COL25A1: variants seen among roughly 807,000 people sequenced by gnomAD.
COL25A1 encodes collagen alpha-1(XXV) chain.
COL25A1 carries 103 observed loss-of-function variants against 128.4 expected under a neutral mutation model. The observed-to-expected ratio is 0.80, with a 90% CI of 0.68 to 0.94. The LOEUF (loss-of-function observed/expected upper bound fraction) is 0.94, where lower values mean the gene tolerates loss of function less well. Among genes scored for constraint, COL25A1 ranks in the 40% least tolerant of loss-of-function variants. COL25A1 has a pLI of 0.00. For synonymous variants in COL25A1, 279 were observed against 277.2 expected (o/e 1.01, Z -0.06); for missense variants, 745 against 840.0 (o/e 0.89, Z 1.40).
chr4:109,288,387 GA>G (rs777481883), intron 3 of COL25A1, among the ~76,000 whole-genome samples: 6 of 152,092 alleles, frequency 3.9e-5, no homozygotes, highest in Non-Finnish European at 1.5e-5. Context: ...CAGGAGCATG[GA>G]ATTGATTTAC....
chr4:109,159,775 C>T (rs1321632276), intron 3 of COL25A1, among the ~76,000 whole-genome samples: 1 of 152,106 alleles, frequency 6.6e-6, no homozygotes, highest in African/African-American at 2.4e-5. Context: ...TAGACCATTT[C>T]TAACATTTTG....
chr4:109,100,025 A>G (rs1279755176), intron 3 of COL25A1, among the ~76,000 whole-genome samples: 2 of 152,144 alleles, frequency 1.3e-5, no homozygotes. Context: ...TAAGCCCAAA[A>G]TACTCTAAAA....
Position 108,935,337 on chromosome 4 carries a change from G to A in COL25A1, c.708+2471C>T, listed in dbSNP as rs1013397699. 3.9e-5 allele frequency among the ~76,000 whole-genome samples: 6 copies of A among 152,062 alleles called. No homozygotes were observed. The South Asian group carries it at 1.2e-3, about 32-fold the overall frequency. ...GGGATGGCAACTGGGGGTAAAGAAG[G>A]GTTTAAGATAATGTCCTTGTTCTTG... is the stretch of plus-strand genomic sequence containing the variant. On this transcript the variant is annotated intron_variant, in intron 11 of 37. Transcript: ENST00000399132.
chr4:109,244,315 T>TA (rs1780113677), intron 3 of COL25A1, among the ~76,000 whole-genome samples: 1 of 151,936 alleles, frequency 6.6e-6, no homozygotes, highest in East Asian at 1.9e-4. Flanking sequence ...ATTGACATAC[T>TA]AAAAAAAGCA....
rs1326356335 is a variant in COL25A1 at position 108,810,989 on chromosome 4, A to G, written c.*2938T>C. The G allele has an allele frequency of 2.6e-5, 4 of 152,196 alleles. No homozygotes were observed. The East Asian group carries it at 5.8e-4, about 22-fold the overall frequency. The allele number at this position is 152,196 out of a possible 1,614,324, so 9.4% of individuals were successfully genotyped here. Reference sequence around the variant, plus strand: ...ACACATATCAATTTGCTATCCTTCAATGTTTTATTAGAAATAGAAACTGAC... The same window carrying G: ...ACACATATCAATTTGCTATCCTTCAGTGTTTTATTAGAAATAGAAACTGAC... On this transcript the variant is annotated 3_prime_UTR_variant, in exon 38 of 38. Coordinates refer to ENST00000399132, the MANE Select transcript of COL25A1 (RefSeq NM_198721.4).
At chr4:109,236,416 C>T (rs1471622668) in intron 3 of COL25A1, among the ~76,000 whole-genome samples, 1 of 152,028 alleles carries the variant, frequency 6.6e-6, no homozygotes, top group South Asian at 2.1e-4. Flanking sequence ...GAACATTAGT[C>T]CTGAATTGAA....
intron 3 of COL25A1, among the ~76,000 whole-genome samples, chr4:109,282,107 T>C (rs1028202279): frequency 3.3e-5 from 5 of 152,224 alleles, no homozygotes; most frequent in Admixed American, 2.6e-4. Context: ...TTAAATTATA[T>C]TTTTGCTTCA....
At chr4:108,942,267 C>G in intron 8 of COL25A1, 1 of 1,550,210 alleles carries the variant, frequency 6.5e-7, no homozygotes, top group Non-Finnish European at 8.7e-7. Flanking sequence ...GCCTGGCAGG[C>G]CCTATGGACA....
chr4:109,203,243 G>C lies in COL25A1; in HGVS notation c.367+97340C>G, dbSNP rs1353868671. 2.0e-5 allele frequency among the ~76,000 whole-genome samples: 3 copies of C among 152,042 alleles called. No individual in the cohort carries two copies. The East Asian group carries it at 5.8e-4, about 29-fold the overall frequency. ...ATCAGAATTCTCAACTATAATAATGGAAAGCAGAAGACAAGACGAGCCATG... is the reference window on the plus strand; with the variant it reads ...ATCAGAATTCTCAACTATAATAATGCAAAGCAGAAGACAAGACGAGCCATG... On this transcript the variant is annotated intron_variant, in intron 3 of 37. Coordinates refer to ENST00000399132, the MANE Select transcript of COL25A1 (RefSeq NM_198721.4).
At chr4:108,996,291 A>G (rs1404299275) in intron 6 of COL25A1, among the ~76,000 whole-genome samples, 75 of 7,632 alleles carry the variant, frequency 9.8e-3, no homozygotes, top group African/African-American at 0.014. Flanking sequence ...GCAAATGGGA[A>G]AAAAAAAAAA....
intron 3 of COL25A1, among the ~76,000 whole-genome samples, chr4:109,069,102 T>C (rs1762705336): frequency 6.6e-6 from 1 of 151,848 alleles, no homozygotes; most frequent in Non-Finnish European, 1.5e-5. Flanking sequence ...TTTTAAAATA[T>C]TTAATATTTA....
chr4:109,134,975 A>G (rs1769570618), intron 3 of COL25A1, among the ~76,000 whole-genome samples: 1 of 150,614 alleles, frequency 6.6e-6, no homozygotes, highest in Non-Finnish European at 1.5e-5. Context: ...GCAAAGAGGA[A>G]CTCAAGAAGA....
At chr4:109,197,446 TA>T (rs1289199079) in intron 3 of COL25A1, among the ~76,000 whole-genome samples, 1 of 120,292 alleles carries the variant, frequency 8.3e-6, no homozygotes, top group Non-Finnish European at 1.7e-5. Flanking sequence ...ATATATTATA[TA>T]TATTATATAT....
intron 3 of COL25A1, among the ~76,000 whole-genome samples, chr4:109,127,339 T>C (rs1040319960): frequency 6.6e-6 from 1 of 152,148 alleles, no homozygotes; most frequent in African/African-American, 2.4e-5. Flanking sequence ...AGATTAATTA[T>C]CAATGTATAA....
At chr4:109,278,301 A>T (rs1203635336) in intron 3 of COL25A1, among the ~76,000 whole-genome samples, 1 of 152,226 alleles carries the variant, frequency 6.6e-6, no homozygotes, top group Non-Finnish European at 1.5e-5. Flanking sequence ...ATAAATGTTC[A>T]GTGATTATAT....
chr4:109,212,272 T>C (rs1306118173), intron 3 of COL25A1, among the ~76,000 whole-genome samples: 1 of 152,144 alleles, frequency 6.6e-6, no homozygotes, highest in Non-Finnish European at 1.5e-5. Context: ...TTTGAAGCCT[T>C]ACCTGGGCTG....
At chr4:109,241,864 T>G (rs1485270124) in intron 3 of COL25A1, among the ~76,000 whole-genome samples, 3 of 152,098 alleles carry the variant, frequency 2.0e-5, no homozygotes, top group African/African-American at 7.2e-5. Flanking sequence ...CTTTAATTCA[T>G]TTGTACAGAT....
At chr4:108,846,683 T>A (rs922636618) in intron 27 of COL25A1, among the ~76,000 whole-genome samples, 2 of 152,148 alleles carry the variant, frequency 1.3e-5, no homozygotes, top group South Asian at 4.1e-4. Context: ...CCAGTCACAA[T>A]GAGTTTTCAA....
chr4:108,919,925 GC>G (rs1745306928), intron 12 of COL25A1, among the ~76,000 whole-genome samples: 2 of 152,154 alleles, frequency 1.3e-5, no homozygotes, highest in South Asian at 4.2e-4. Context: ...ACCACACCCA[GC>G]TATTTTTGTA....
Sources: gnomAD v4.1 joint callset for allele counts (sites outside exome capture counted in the v4.1 genomes callset) on GRCh38, gnomAD v4.1.1 for gene constraint, MANE v1.5 for transcripts, NCBI Gene and HGNC (gene_info 2026-07-23, HGNC 2026-07-21) for gene names.